The following GPR107 variants were observed in gnomAD, a reference collection of about 807,000 sequenced individuals.
GPR107 encodes the protein protein GPR107.
GPR107 carries 31 observed loss-of-function variants against 75.5 expected under a neutral mutation model. The ratio of observed to expected loss-of-function variants is 0.41; its 90% confidence interval spans 0.31 to 0.55. The LOEUF is 0.55. GPR107 is among the 20% of genes least tolerant of loss of function. The probability of loss-of-function intolerance (pLI) is 0.26; values close to 1 mark genes in which losing one functional copy is unlikely to be tolerated. For synonymous variants in GPR107, 267 were observed against 251.3 expected (o/e 1.06, Z -0.59); for missense variants, 572 against 665.7 (o/e 0.86, Z 1.55).
chr9:130,124,610 A>C (rs1055469464), intron 14 of GPR107, among the ~76,000 whole-genome samples: 1 of 152,128 alleles, frequency 6.6e-6, no homozygotes, highest in African/African-American at 2.4e-5. Context: ...GCATCTGCCA[A>C]TTCCTGTGAT....
At chr9:130,079,856 T>A in intron 5 of GPR107, 87 bp downstream of exon 5, 1 of 798,072 alleles carries the variant, frequency 1.3e-6, no homozygotes, top group Admixed American at 3.2e-5. Flanking sequence ...AAGTAAAACA[T>A]GATCTGTTGT....
At chr9:130,133,740 G>A (rs1245047112) in intron 17 of GPR107, among the ~76,000 whole-genome samples, 3 of 152,196 alleles carry the variant, frequency 2.0e-5, no homozygotes, top group African/African-American at 7.2e-5. Flanking sequence ...ATGGGATCTG[G>A]CCACATACCT....
At chr9:130,115,379 G>T (rs1054402867) in intron 14 of GPR107, among the ~76,000 whole-genome samples, 1 of 151,784 alleles carries the variant, frequency 6.6e-6, no homozygotes, top group South Asian at 2.1e-4. Context: ...CCTTTTTTCC[G>T]CTCATTTTTT....
At chr9:130,096,317 A>G (rs1453064480) in intron 9 of GPR107, among the ~76,000 whole-genome samples, 1 of 152,078 alleles carries the variant, frequency 6.6e-6, no homozygotes, top group East Asian at 1.9e-4. Context: ...AAATGAGCCC[A>G]GAAACTGATA....
chr9:130,062,647 TGCCTGCCTG>T (rs1829958014), intron 1 of GPR107, among the ~76,000 whole-genome samples: 1 of 78,190 alleles, frequency 1.3e-5, no homozygotes, highest in African/African-American at 4.7e-5. Flanking sequence ...CCTGCCTGCC[TGCCTGCCTG>T]CCTGCCTTCC....
chr9:130,091,110 C>T (rs1372330677), intron 8 of GPR107, 127 bp downstream of exon 8: 1 of 645,098 alleles, frequency 1.6e-6, no homozygotes, highest in Non-Finnish European at 2.7e-6. Flanking sequence ...ATTCCTGCCA[C>T]TGTGCAGGAT....
chr9:130,060,404 T>G (rs1829900273), intron 1 of GPR107, among the ~76,000 whole-genome samples: 2 of 8,314 alleles, frequency 2.4e-4, no homozygotes, highest in South Asian at 0.013. Flanking sequence ...TAATCCGAGT[T>G]TTTTTTTTTT....
chr9:130,120,888 C>CTG (rs1831530969), intron 14 of GPR107: 1 of 105,586 alleles, frequency 9.5e-6, no homozygotes, highest in African/African-American at 3.6e-5. Context: ...TTTCCCTTCT[C>CTG]ACTGCTGCAG....
intron 1 of GPR107, among the ~76,000 whole-genome samples, chr9:130,071,035 C>CTTTTTTTTTTTTTT (rs56799662): frequency 2.2e-4 from 22 of 98,188 alleles, no homozygotes; most frequent in Admixed American, 4.4e-4. Flanking sequence ...TTTTTTTTTT[C>CTTTTTTTTTTTTTT]TTTTTTTTTT....
chr9:130,071,274 G>C (rs1589487696), intron 1 of GPR107, among the ~76,000 whole-genome samples: 2 of 150,214 alleles, frequency 1.3e-5, no homozygotes, highest in African/African-American at 4.9e-5. Flanking sequence ...CAGTCTGCCT[G>C]CCTCAGTCTC....
chr9:130,108,732 G>GCCCTTCTC (rs1230092070), intron 14 of GPR107: 2 of 455,914 alleles, frequency 4.4e-6, no homozygotes, highest in Non-Finnish European at 8.8e-6. Flanking sequence ...CCTGGGAATA[G>GCCCTTCTC]CCCTTCTCCC....
rs558134185 is a variant in GPR107 at position 130,096,767 on chromosome 9, G to T, written c.864-2690G>T. 2.0e-5 allele frequency among the ~76,000 whole-genome samples: 3 copies of T among 152,120 alleles called. No homozygotes were observed. The South Asian group carries it at 6.2e-4, about 32-fold the overall frequency. On this transcript the variant is annotated intron_variant, in intron 9 of 17. Transcript: ENST00000347136. ...GCCACTGCGTCTGGCCTGATTTTTG[G>T]ATATTTCTATATTCTTATAGATAAG... is the stretch of plus-strand genomic sequence containing the variant.
rs1353224820 is a variant in GPR107, at chr9:130,053,914, T to A, written c.-19T>A. The A allele has an allele frequency of 1.9e-6, 3 of 1,554,940 alleles. No homozygotes were observed. In the Admixed American group the frequency reaches 5.8e-5, roughly 30 times the overall value. On this transcript the variant is annotated 5_prime_UTR_variant, in exon 1 of 18. Transcript: ENST00000347136. ...GGACGTGGGCGGGAGAGGAAGCGGCTGGTGATGCTGGAACAAACATGGCCG... is the reference window on the plus strand; with the variant it reads ...GGACGTGGGCGGGAGAGGAAGCGGCAGGTGATGCTGGAACAAACATGGCCG...
At chr9:130,071,331 AC>A (rs1830206961) in intron 1 of GPR107, among the ~76,000 whole-genome samples, 1 of 148,712 alleles carries the variant, frequency 6.7e-6, no homozygotes, top group African/African-American at 2.5e-5. Context: ...CTGGCCCCTC[AC>A]CCTTTTTTTT....
chr9:130,095,783 A>G (rs1374049829), intron 9 of GPR107, among the ~76,000 whole-genome samples: 1 of 152,134 alleles, frequency 6.6e-6, no homozygotes, highest in East Asian at 1.9e-4. Flanking sequence ...TATAGTGTGC[A>G]TGGGGGAAGG....
intron 13 of GPR107, among the ~76,000 whole-genome samples, chr9:130,106,734 G>GC (rs1831170617): frequency 6.6e-6 from 1 of 152,064 alleles, no homozygotes; most frequent in African/African-American, 2.4e-5. Context: ...CAAGCAGATA[G>GC]CCCCTCTCAC....
At chr9:130,107,045 A>T (rs1831175980) in intron 13 of GPR107, among the ~76,000 whole-genome samples, 1 of 151,968 alleles carries the variant, frequency 6.6e-6, no homozygotes, top group Non-Finnish European at 1.5e-5. Context: ...AAAAATCTCC[A>T]CTCGATAAGT....
intron 6 of GPR107, 81 bp downstream of exon 6, chr9:130,083,683 TATTG>T: frequency 1.4e-6 from 1 of 726,582 alleles, no homozygotes; most frequent in Non-Finnish European, 2.1e-6. Context: ...TGTGTGTGTG[TATTG>T]ATATATATAC....
chr9:130,098,917 G>A (rs990082564), intron 9 of GPR107, among the ~76,000 whole-genome samples: 1 of 152,000 alleles, frequency 6.6e-6, no homozygotes. Flanking sequence ...TTGAGGCGGT[G>A]GGGGGGCATC....
Sources: allele counts gnomAD v4.1 joint callset (sites outside exome capture counted in the v4.1 genomes callset), GRCh38; gene constraint gnomAD v4.1.1; transcripts MANE v1.5; gene names NCBI Gene and HGNC (gene_info 2026-07-23, HGNC 2026-07-21).